Variants in WDR20 observed in about 807,000 individuals in gnomAD.
The protein encoded by WDR20 is WD repeat domain 20, also known as WD repeat-containing protein 20.
WDR20 carries 3 observed loss-of-function variants against 38.7 expected under a neutral mutation model. The ratio of observed to expected loss-of-function variants is 0.08; its 90% CI spans 0.04 to 0.20. The LOEUF is 0.20. WDR20 is among the 10% of genes least tolerant of loss of function. WDR20 has a pLI of 1.00. For synonymous variants in WDR20, 298 were observed against 285.6 expected, an observed-to-expected ratio of 1.04 and a Z score of -0.44; for missense variants, 559 against 727.7, an observed-to-expected ratio of 0.77 and a Z score of 2.67.
chr14:102,200,334 G>C (rs2060083607), intron 2 of WDR20, among the ~76,000 whole-genome samples: 1 of 152,164 alleles, frequency 6.6e-6, no homozygotes, highest in South Asian at 2.1e-4. Context: ...CGGTTCATCT[G>C]ACAAGCTCCC....
At position 102,205,656 on chromosome 14, in the gene WDR20, C is replaced by G. The variant is rs4900534; in HGVS notation, c.433-2947C>G. On this transcript the variant is annotated intron_variant, in intron 2 of 2. Transcript: ENST00000342702. Reference sequence around the variant, plus strand: ...TGCTGCCCACAGACACTGCTGCCTGCCTGCCACTCACCCTGATATTGCTGA... The same window carrying G: ...TGCTGCCCACAGACACTGCTGCCTGGCTGCCACTCACCCTGATATTGCTGA... 4.6e-5 allele frequency among the ~76,000 whole-genome samples: 7 copies of G among 152,012 alleles called. No homozygotes were observed. The East Asian group carries it at 1.2e-3, about 25-fold the overall frequency.
chr14:102,167,846 C>T (rs1021955592), intron 1 of WDR20, among the ~76,000 whole-genome samples: 4 of 152,184 alleles, frequency 2.6e-5, no homozygotes, highest in South Asian at 2.1e-4. Context: ...TGCATGCTAG[C>T]TCAGTGCCTT....
chr14:102,214,694 C>T (rs2062996081), downstream of WDR20: 1 of 982,286 alleles, frequency 1.0e-6, no homozygotes, highest in Admixed American at 6.2e-5. Context: ...GTAAAATTCA[C>T]ATGTATTTCC....
intron 1 of WDR20, among the ~76,000 whole-genome samples, chr14:102,148,844 C>A (rs529210557): frequency 2.6e-5 from 4 of 152,012 alleles, no homozygotes; most frequent in African/African-American, 9.7e-5. Flanking sequence ...AGGCATGTGC[C>A]ACTGTGCCTG....
chr14:102,152,569 C>T (rs895781456), intron 1 of WDR20, among the ~76,000 whole-genome samples: 3 of 152,006 alleles, frequency 2.0e-5, no homozygotes, highest in Non-Finnish European at 4.4e-5. Flanking sequence ...CGTGTGCCAC[C>T]ATGCCCGGCC....
intron 1 of WDR20, among the ~76,000 whole-genome samples, chr14:102,180,750 T>C (rs1014035661): frequency 6.6e-6 from 1 of 152,248 alleles, no homozygotes; most frequent in Non-Finnish European, 1.5e-5. Flanking sequence ...AGCTGCTGTC[T>C]ATGAGACCTG....
intron 1 of WDR20, among the ~76,000 whole-genome samples, chr14:102,172,588 C>T (rs2061109639): frequency 3.4e-5 from 5 of 147,708 alleles, no homozygotes; most frequent in Admixed American, 6.7e-5. Flanking sequence ...CAGAGGGGCT[C>T]CTCACTTCCC....
At chr14:102,145,261 A>G (rs1205162834) in intron 1 of WDR20, among the ~76,000 whole-genome samples, 1 of 152,252 alleles carries the variant, frequency 6.6e-6, no homozygotes, top group Non-Finnish European at 1.5e-5. Context: ...TTTTGGGCCC[A>G]AAAGTAACTT....
intron 1 of WDR20, among the ~76,000 whole-genome samples, chr14:102,189,930 G>A (rs1019276679): frequency 3.9e-5 from 6 of 152,196 alleles, no homozygotes; most frequent in Admixed American, 3.9e-4. Context: ...ACAAAGAATG[G>A]TTGGGAAAAT....
At chr14:102,196,976 G>A (rs1439539506) in intron 2 of WDR20, among the ~76,000 whole-genome samples, 1 of 152,298 alleles carries the variant, frequency 6.6e-6, no homozygotes, top group East Asian at 1.9e-4. Flanking sequence ...ATTTTGGTCA[G>A]AATGTCTAAG....
chr14:102,215,946 C>T (rs1029689490), downstream of WDR20, among the ~76,000 whole-genome samples: 1 of 152,204 alleles, frequency 6.6e-6, no homozygotes, highest in Non-Finnish European at 1.5e-5. Flanking sequence ...TGAGTGAGGG[C>T]GAGCTGGCCT....
chr14:102,175,668 T>G (rs1421390070), intron 1 of WDR20, among the ~76,000 whole-genome samples: 2 of 152,236 alleles, frequency 1.3e-5, no homozygotes, highest in Admixed American at 1.3e-4. Context: ...ACAATACTGA[T>G]TTTACGCATC....
rs1422291426 is a variant in WDR20 at position 102,208,458 on chromosome 14, C to T, written c.433-145C>T. 1 of 1,149,290 alleles carries T rather than the reference C, an allele frequency of 8.7e-7. No individual in the cohort carries two copies. The highest frequency in any genetic ancestry group is 1.2e-6 in the Non-Finnish European group (1 of 842,690). The allele number at this position is 1,149,290 out of a possible 1,614,324, so 71.2% of individuals were successfully genotyped here. A position where few individuals can be genotyped will look rare whatever the true frequency, so the allele number is the denominator to read the frequency against. ...CCCAAAAGGGCCAAAACGCTCCTTGCTGGCTTGGCTGACTGCAGGATAAAA... is the reference window on the plus strand; with the variant it reads ...CCCAAAAGGGCCAAAACGCTCCTTGTTGGCTTGGCTGACTGCAGGATAAAA... On this transcript the variant is annotated intron_variant, in intron 2 of 2. Coordinates refer to ENST00000342702, the MANE Select transcript of WDR20 (RefSeq NM_144574.4). The surrounding 1 kb of genome is among the most constrained non-coding windows in gnomAD (Gnocchi z 5.6).
intron 1 of WDR20, among the ~76,000 whole-genome samples, chr14:102,157,911 G>A (rs756580625): frequency 2.6e-5 from 4 of 151,936 alleles, no homozygotes; most frequent in Non-Finnish European, 4.4e-5. Flanking sequence ...TTTTCTTTTG[G>A]TGCTAGTTCC....
intron 1 of WDR20, among the ~76,000 whole-genome samples, chr14:102,151,035 TA>T (rs1319490649): frequency 3.3e-5 from 5 of 152,174 alleles, no homozygotes; most frequent in African/African-American, 2.4e-5. Context: ...CCAGCAATGA[TA>T]AGGCAGCTGC....
chr14:102,222,814 A>T lies in WDR20; in HGVS notation c.1693-16A>T. On this transcript the variant is annotated splice_polypyrimidine_tract_variant and intron_variant, in intron 3 of 3. Transcript: ENST00000335263. This position sits in a 1 kb window ranked among gnomAD's most constrained non-coding sequence, Gnocchi z 4.4. ...CCGGTGTTTTGCTGGATTAATGTAG[A>T]CTGCTTTGTTTGCAGGGCTCATTGT... 1 of 1,614,088 alleles carries T rather than the reference A, an allele frequency of 6.2e-7. No homozygotes were observed. Among genetic ancestry groups the T allele is most frequent in the Non-Finnish European group, 8.5e-7 (1 of 1,179,980 alleles).
At chr14:102,214,343 ATG>A, downstream of WDR20, 3 of 985,446 alleles carry the variant, frequency 3.0e-6, no homozygotes, top group Non-Finnish European at 3.6e-6. Flanking sequence ...ACCCCAAGTG[ATG>A]TCCCAAAGGG....
rs568058395 is a variant in WDR20 at position 102,172,220 on chromosome 14, G to C, written c.250-22718G>C. Among the ~76,000 whole-genome samples the C allele has an allele frequency of 4.2e-5, 6 of 143,306 alleles. 1 individual carries two copies. Among genetic ancestry groups the C allele is most frequent in the African/African-American group, 7.3e-5 (3 of 40,854 alleles). The allele number at this position is 143,306 out of a possible 152,430, so 94.0% of individuals were successfully genotyped here. ...ACATGTTTCAGAGAGCACAGGGTTG[G>C]GGGGTAAGGTCACAGATCAACAGGA... On this transcript the variant is annotated intron_variant, in intron 1 of 2. Transcript: ENST00000342702.
intron 1 of WDR20, among the ~76,000 whole-genome samples, chr14:102,155,563 A>G (rs573277955): frequency 1.3e-5 from 2 of 152,366 alleles, no homozygotes; most frequent in South Asian, 4.1e-4. Context: ...GTAGATGTGC[A>G]GACTATGTCT....
Sources: gnomAD v4.1 joint callset for allele counts (sites outside exome capture counted in the v4.1 genomes callset) on GRCh38, gnomAD v4.1.1 for gene constraint, Gnocchi (gnomAD v3.1) non-coding constraint, MANE v1.5 for transcripts, NCBI Gene and HGNC (gene_info 2026-07-23, HGNC 2026-07-21) for gene names.